Variants in PPL observed in about 807,000 individuals in gnomAD.
PPL encodes the protein periplakin.
Under a neutral mutation model 194.4 loss-of-function variants are expected in PPL, and 198 were observed. The ratio of observed to expected loss-of-function variants is 1.02; its 90% CI spans 0.91 to 1.15. The LOEUF (loss-of-function observed/expected upper bound fraction) is 1.15, where lower values mean the gene tolerates loss of function less well. PPL is among the 50% of genes most tolerant of loss of function. The pLI is 0.00. For synonymous variants in PPL, 1,220 were observed against 972.4 expected, an observed-to-expected ratio of 1.25 and a Z score of -4.74; for missense variants, 2,885 against 2,294.8, an observed-to-expected ratio of 1.26 and a Z score of -5.25.
At chr16:4,917,055 C>A (rs1596576290) in intron 1 of PPL, among the ~76,000 whole-genome samples, 1 of 152,030 alleles carries the variant, frequency 6.6e-6, no homozygotes, top group East Asian at 1.9e-4. Flanking sequence ...TCGCTTGAAC[C>A]TGGGAGGCGG....
chr16:4,914,415 T>C (rs1192419972), intron 1 of PPL, among the ~76,000 whole-genome samples: 1 of 152,168 alleles, frequency 6.6e-6, no homozygotes, highest in Non-Finnish European at 1.5e-5. Context: ...ATGCAGGTGC[T>C]GTTGATGTTG....
At chr16:4,933,560 C>T (rs1033250603) in intron 1 of PPL, among the ~76,000 whole-genome samples, 8 of 152,202 alleles carry the variant, frequency 5.3e-5, no homozygotes, top group Admixed American at 1.3e-4. Context: ...AGCATCTGTG[C>T]TCTGACTGTG....
At chr16:4,911,153 CTCCT>C (rs1475276630) in intron 1 of PPL, among the ~76,000 whole-genome samples, 4 of 134,122 alleles carry the variant, frequency 3.0e-5, no homozygotes, top group Admixed American at 9.0e-5. Context: ...GGCGGTCAGC[CTCCT>C]TTTTTTTTTT....
chr16:4,902,525 T>C lies in PPL; in HGVS notation c.319A>G (p.Ile107Val). ...GTCACACGCTCCTTCAGCTGGCGGA[T>C]ACTGATGGGAGAGAGGCTCCCACTT... is the stretch of plus-strand genomic sequence containing the variant. ...HPQGDMIAED[I>V]RQLKERVTNL... Residue 107 changes from isoleucine to valine, a missense_variant and splice_region_variant, in exon 4 of 22, where the codon ATC (isoleucine) becomes GTC (valine). Physicochemically the swap from Ile to Val is conservative, Grantham distance 29. Transcript: ENST00000345988. The surrounding 1 kb of genome is among the most constrained non-coding windows in gnomAD (Gnocchi z 4.0). 1.9e-6 allele frequency: 3 copies of C among 1,613,292 alleles called. No homozygotes were observed. The Admixed American group carries it at 5.0e-5, about 27-fold the overall frequency.
At chr16:4,897,813 G>A (rs2088464247) in intron 8 of PPL, 43 bp from the exon 9 acceptor site, 3 of 1,519,476 alleles carry the variant, frequency 2.0e-6, no homozygotes, top group Middle Eastern at 2.0e-4. Context: ...GGCAGGTACT[G>A]CAGACACCAA....
At chr16:4,895,196 G>A in intron 11 of PPL, 65 bp downstream of exon 11, 9 of 1,496,388 alleles carry the variant, frequency 6.0e-6, no homozygotes, top group East Asian at 2.4e-5. Context: ...CCTGAGGCCC[G>A]GGATCCAACC....
intron 3 of PPL, among the ~76,000 whole-genome samples, chr16:4,903,509 C>G (rs958388496): frequency 1.3e-5 from 2 of 152,102 alleles, no homozygotes; most frequent in African/African-American, 2.4e-5. Flanking sequence ...CACCTAAGGT[C>G]TGGAGTTTGA....
rs1343486265 is a variant in PPL, at chr16:4,937,100, G to A, written c.-55C>T. The A allele has an allele frequency of 1.9e-5, 22 of 1,176,114 alleles. No individual in the cohort carries two copies. The highest frequency in any genetic ancestry group is 4.8e-4 in the Middle Eastern group (2 of 4,164). The allele number at this position is 1,176,114 out of a possible 1,614,324, so 72.9% of individuals were successfully genotyped here. ...CTGGCGGGCCGGGCGCGCACCGAGG[G>A]GCGGGCGGGAGCGCAGGTGAGCGAG... On this transcript the variant is annotated 5_prime_UTR_variant, in exon 1 of 22. Coordinates refer to ENST00000345988, the MANE Select transcript of PPL (RefSeq NM_002705.5).
intron 6 of PPL, 85 bp downstream of exon 6, chr16:4,900,745 A>C: frequency 6.3e-7 from 1 of 1,575,778 alleles, no homozygotes; most frequent in East Asian, 2.2e-5. Context: ...TGTCATTTTT[A>C]AAACAATACA....
chr16:4,916,929 A>C (rs1026886219), intron 1 of PPL, among the ~76,000 whole-genome samples: 1 of 152,146 alleles, frequency 6.6e-6, no homozygotes, highest in African/African-American at 2.4e-5. Flanking sequence ...CAGGAGTTCG[A>C]GACCAGCCTG....
At chr16:4,913,392 A>C (rs915907769) in intron 1 of PPL, among the ~76,000 whole-genome samples, 1 of 152,200 alleles carries the variant, frequency 6.6e-6, no homozygotes, top group Non-Finnish European at 1.5e-5. Context: ...CTAGAGTAAC[A>C]GTCCTTTCCC....
Position 4,918,578 on chromosome 16 carries a change from T to G in PPL, c.63-7629A>C, listed in dbSNP as rs1263188959. The stretch of plus-strand genomic sequence containing the variant: ...CTTTAAGTGAGTGAATTGCATGGAA[T>G]TCATATACCATGCAATTCACTCAGT... On this transcript the variant is annotated intron_variant, in intron 1 of 21. Transcript: ENST00000345988. 3.9e-5 allele frequency among the ~76,000 whole-genome samples: 6 copies of G among 152,290 alleles called. No individual in the cohort carries two copies. In the East Asian group the frequency reaches 9.7e-4, roughly 25 times the overall value.
chr16:4,905,106 T>C (rs1174996944), intron 2 of PPL, among the ~76,000 whole-genome samples: 4 of 152,124 alleles, frequency 2.6e-5, no homozygotes, highest in Non-Finnish European at 5.9e-5. Context: ...CAGTGACATG[T>C]CACTGAGGGG....
Position 4,890,954 on chromosome 16 carries a change from C to T in PPL, c.1969-33G>A, listed in dbSNP as rs139842274. 2.3e-4 allele frequency: 340 copies of T among 1,478,622 alleles called. 2 individuals are homozygous for T. In the East Asian group the frequency reaches 7.0e-3, roughly 31 times the overall value. 91.6% of individuals were successfully genotyped at this position (1,478,622 alleles called of 1,614,324 possible). A position where few individuals can be genotyped will look rare whatever the true frequency, so the allele number is the denominator to read the frequency against. On this transcript the variant is annotated intron_variant, in intron 16 of 21. Coordinates refer to ENST00000345988, the MANE Select transcript of PPL (RefSeq NM_002705.5). ...GGCAGAGGAGGAGACGGCGGTGCTACGGCCAGAGCTCCCAGAGCCAGGCGA... is the reference window on the plus strand; with the variant it reads ...GGCAGAGGAGGAGACGGCGGTGCTATGGCCAGAGCTCCCAGAGCCAGGCGA...
chr16:4,893,002 C>G (rs891109387), intron 14 of PPL: 1 of 576,938 alleles, frequency 1.7e-6, no homozygotes, highest in South Asian at 3.1e-5. Context: ...AGGAACAATG[C>G]AAGTCCTGCC....
intron 4 of PPL, among the ~76,000 whole-genome samples, chr16:4,901,379 G>A (rs557989285): frequency 3.2e-4 from 49 of 152,298 alleles, no homozygotes; most frequent in Non-Finnish European, 5.7e-4. Context: ...CACCTGCCCA[G>A]GGTCACGCCA....
In PPL at chr16:4,895,712, T is replaced by A; in HGVS notation, c.977A>T (p.His326Leu). Reference sequence around the variant, plus strand: ...CTCCTGAGCGTCCTTCACGTCTTCGTGAAACTAGGGGAGAAGGTGGCTCTG... The same window carrying A: ...CTCCTGAGCGTCCTTCACGTCTTCGAGAAACTAGGGGAGAAGGTGGCTCTG... ...LKYMEDYHQF[H>L]EDVKDAQELL... Residue 326 changes from histidine (H) to leucine (L), a missense_variant, in exon 10 of 22, where the codon CAC becomes CTC. Transcript: ENST00000345988. 6.2e-7 allele frequency: 1 copy of A among 1,613,870 alleles called. No individual in the cohort carries two copies. Among genetic ancestry groups the A allele is most frequent in the Non-Finnish European group, 8.5e-7 (1 of 1,180,008 alleles).
chr16:4,932,342 G>A (rs1199510542), intron 1 of PPL, among the ~76,000 whole-genome samples: 2 of 152,024 alleles, frequency 1.3e-5, no homozygotes, highest in Non-Finnish European at 1.5e-5. Flanking sequence ...AACACTGATC[G>A]ATGGGTGCAT....
chr16:4,915,698 G>T (rs1163552089), intron 1 of PPL, among the ~76,000 whole-genome samples: 1 of 152,164 alleles, frequency 6.6e-6, no homozygotes, highest in Non-Finnish European at 1.5e-5. Flanking sequence ...CTCCACCATC[G>T]TAATATGAGC....
Sources: allele counts gnomAD v4.1 joint callset (sites outside exome capture counted in the v4.1 genomes callset), GRCh38; gene constraint gnomAD v4.1.1; non-coding constraint Gnocchi (gnomAD v3.1); transcripts MANE v1.5; gene names NCBI Gene and HGNC (gene_info 2026-07-23, HGNC 2026-07-21).